Variants in AKR1B1 observed in about 807,000 individuals in gnomAD.
AKR1B1 encodes aldo-keto reductase family 1 member B.
A neutral mutation model predicts 40.4 loss-of-function variants in AKR1B1; 22 were observed. That is an observed-to-expected ratio of 0.54 (90% confidence interval 0.39 to 0.78). The LOEUF (loss-of-function observed/expected upper bound fraction) is 0.78. AKR1B1 is among the 30% of genes least tolerant of loss of function. The pLI is 0.00. For missense variants in AKR1B1, 357 were observed against 396.7 expected (o/e 0.90, Z 0.85); for synonymous variants, 157 against 149.9 (o/e 1.05, Z -0.35).
At chr7:134,445,613 A>G (rs2117447280) in intron 8 of AKR1B1, among the ~76,000 whole-genome samples, 1 of 152,280 alleles carries the variant, frequency 6.6e-6, no homozygotes, top group East Asian at 1.9e-4. Context: ...GCAGTGAGGA[A>G]TATAATTATG....
chr7:134,459,202 C>T (rs1806597940), upstream of AKR1B1: 2 of 1,077,450 alleles, frequency 1.9e-6, no homozygotes, highest in Non-Finnish European at 2.7e-6. Context: ...TGATTGGTTG[C>T]GCTGGGGGTG....
chr7:134,457,000 T>C (rs1806490670), intron 1 of AKR1B1, among the ~76,000 whole-genome samples: 2 of 152,126 alleles, frequency 1.3e-5, no homozygotes, highest in Non-Finnish European at 2.9e-5. Flanking sequence ...TACCCGAGTG[T>C]GGTGGCACAC....
At chr7:134,450,509 T>G (rs551126387) in intron 3 of AKR1B1, among the ~76,000 whole-genome samples, 1 of 152,304 alleles carries the variant, frequency 6.6e-6, no homozygotes, top group Admixed American at 6.5e-5. Flanking sequence ...CAGTTTTAAA[T>G]TGCACATCTA....
At position 134,451,705 on chromosome 7, in the gene AKR1B1, C is replaced by A; in HGVS notation, c.115G>T (p.Gly39Trp). 3 of 1,614,142 alleles carry A rather than the reference C, an allele frequency of 1.9e-6. No individual in the cohort carries two copies. Among genetic ancestry groups the A allele is most frequent in the Non-Finnish European group, 2.5e-6 (3 of 1,180,022 alleles). ...TGGGCACAGTCGATGTGGCGGTACC[C>A]GACGTCAATGGCCACCTTCACGGCC... ...TEAVKVAIDVGYRHIDCAHVY... is the reference protein window; with the variant it reads ...TEAVKVAIDVWYRHIDCAHVY... The change falls in exon 2 of 10, where the codon GGG becomes TGG. Residue 39 changes from glycine (G) to tryptophan (W), a missense_variant. Gly to Trp is a radical substitution (Grantham distance 184). Transcript: ENST00000285930.
rs1806198562 is a variant in AKR1B1, at chr7:134,449,078, A to G, written c.471T>C (p.Ile157=). 6.2e-7 allele frequency: 1 copy of G among 1,614,056 alleles called. No homozygotes were observed. The highest frequency in any genetic ancestry group is 8.5e-7 in the Non-Finnish European group (1 of 1,179,998). ...ELVDEGLVKA[I]GISNFNHLQV... ...GGAGATGGTTGAAGTTGGAGATGCC[A>G]ATAGCTTTCACCAGCCCTTCATCCA... The change falls in exon 5 of 10, where the codon ATT becomes ATC. Residue 157 remains isoleucine, a synonymous_variant. Transcript: ENST00000285930.
At position 134,448,066 on chromosome 7, in the gene AKR1B1, G is replaced by A; in HGVS notation, c.660-5C>T. The A allele has an allele frequency of 6.2e-7, 1 of 1,610,428 alleles. No individual in the cohort carries two copies. The highest frequency in any genetic ancestry group is 1.3e-5 in the African/African-American group (1 of 74,912). On this transcript the variant is annotated splice_polypyrimidine_tract_variant and splice_region_variant and intron_variant, in intron 6 of 9. Transcript: ENST00000285930. ...GAAGGGTCCTCGGGCTTGGCCCTGA[G>A]GATAGAAAGACAGTCCAGGTCACAC...
rs373032867 is a variant in AKR1B1, at chr7:134,455,220, C to A, written c.67-3467G>T. ...AAATTAGTTCTCTGGGGCAAAAAAACCCCCCTCAGCTTATAGAACAGCTTG... is the reference window on the plus strand; with the variant it reads ...AAATTAGTTCTCTGGGGCAAAAAAAACCCCCTCAGCTTATAGAACAGCTTG... On this transcript the variant is annotated intron_variant, in intron 1 of 9. Coordinates refer to ENST00000285930, the MANE Select transcript of AKR1B1 (RefSeq NM_001628.4). 6.9e-4 allele frequency among the ~76,000 whole-genome samples: 105 copies of A among 152,208 alleles called. No individual in the cohort carries two copies. The South Asian group carries it at 0.015, about 22-fold the overall frequency.
intron 1 of AKR1B1, among the ~76,000 whole-genome samples, chr7:134,457,014 T>C (rs912167620): frequency 9.9e-5 from 15 of 152,120 alleles, no homozygotes; most frequent in African/African-American, 3.4e-4. Context: ...GGCACACACC[T>C]GTGGTCCCAG....
At chr7:134,445,111 G>T in intron 9 of AKR1B1, 127 bp downstream of exon 9, 1 of 849,058 alleles carries the variant, frequency 1.2e-6, no homozygotes, top group Non-Finnish European at 1.9e-6. Context: ...AGAAAGCAAG[G>T]TAATGTGCAA....
chr7:134,456,007 TAG>T (rs763244382), intron 1 of AKR1B1, among the ~76,000 whole-genome samples: 1 of 151,622 alleles, frequency 6.6e-6, no homozygotes, highest in Non-Finnish European at 1.5e-5. Flanking sequence ...CCTTCAAGAG[TAG>T]AGACTACCAG....
intron 9 of AKR1B1, 145 bp from the exon 10 acceptor site, chr7:134,442,915 G>A: frequency 1.3e-6 from 1 of 793,534 alleles, no homozygotes; most frequent in East Asian, 2.8e-5. Flanking sequence ...TGCAGATGAT[G>A]GTTCTGCAGC....
chr7:134,452,950 G>A (rs890052424), intron 1 of AKR1B1, among the ~76,000 whole-genome samples: 3 of 152,200 alleles, frequency 2.0e-5, no homozygotes, highest in Non-Finnish European at 4.4e-5. Flanking sequence ...GACCCTCAGA[G>A]GACCTGGCGA....
At chr7:134,451,414 C>A in intron 2 of AKR1B1, 172 bp downstream of exon 2, 1 of 782,594 alleles carries the variant, frequency 1.3e-6, no homozygotes. Flanking sequence ...AACAGAGAGC[C>A]AAGGATGGGC....
chr7:134,448,004 G>GGCT lies in AKR1B1; in HGVS notation c.714_716dup (p.Ala239dup). 6.2e-7 allele frequency: 1 copy of GGCT among 1,613,196 alleles called. No individual in the cohort carries two copies. The highest frequency in any genetic ancestry group is 8.5e-7 in the Non-Finnish European group (1 of 1,179,820). The stretch of plus-strand genomic sequence containing the variant: ...CCTGGGCTGTAGTTTTATTGTGCTT[G>GGCT]GCTGCGATCGCCTTGATCCTGGGAT... On this transcript the variant is annotated inframe_insertion, in exon 7 of 10. Transcript: ENST00000285930.
chr7:134,457,566 A>C (rs972309716), intron 1 of AKR1B1, among the ~76,000 whole-genome samples: 1 of 152,160 alleles, frequency 6.6e-6, no homozygotes, highest in African/African-American at 2.4e-5. Context: ...TATATTTACT[A>C]ATTTTCAACA....
chr7:134,444,980 C>A, intron 9 of AKR1B1: 1 of 578,150 alleles, frequency 1.7e-6, no homozygotes, highest in Admixed American at 3.0e-5. Flanking sequence ...GAATGGAAAG[C>A]CAAAATATGT....
At chr7:134,448,859 A>T in intron 5 of AKR1B1, 138 bp downstream of exon 5, 1 of 1,038,446 alleles carries the variant, frequency 9.6e-7, no homozygotes, top group Non-Finnish European at 1.5e-6. Context: ...TGTCATGCTG[A>T]ATCATAACTC....
chr7:134,452,195 G>A (rs534801060), intron 1 of AKR1B1, among the ~76,000 whole-genome samples: 1 of 152,188 alleles, frequency 6.6e-6, no homozygotes, highest in African/African-American at 2.4e-5. Flanking sequence ...AGTTCAGCCA[G>A]TGAATGCCTG....
In AKR1B1 at chr7:134,444,944, A is replaced by G. The variant is rs577004757; in HGVS notation, c.908+294T>C. On this transcript the variant is annotated intron_variant, in intron 9 of 9. Coordinates refer to ENST00000285930, the MANE Select transcript of AKR1B1 (RefSeq NM_001628.4). Reference sequence around the variant, plus strand: ...GGGTCACCTGGGATCACCTAGTTTCAGATGAACTGCTAGGATTTAAAAATT... The same window carrying G: ...GGGTCACCTGGGATCACCTAGTTTCGGATGAACTGCTAGGATTTAAAAATT... The G allele has an allele frequency of 1.3e-5, 7 of 521,618 alleles. No homozygotes were observed. In the East Asian group the frequency reaches 1.7e-4, roughly 13 times the overall value. 32.3% of individuals were successfully genotyped at this position (521,618 alleles called of 1,614,324 possible).
Sources: allele counts gnomAD v4.1 joint callset (sites outside exome capture counted in the v4.1 genomes callset), GRCh38; gene constraint gnomAD v4.1.1; transcripts MANE v1.5; gene names NCBI Gene and HGNC (gene_info 2026-07-23, HGNC 2026-07-21).